Variants in PTPRN2 observed in about 807,000 individuals in gnomAD.
PTPRN2 encodes the protein protein tyrosine phosphatase receptor type N2.
In PTPRN2, 74 loss-of-function variants were observed where a neutral mutation model predicts 118.8. The observed-to-expected ratio is 0.62, with a 90% CI of 0.52 to 0.76. The LOEUF (loss-of-function observed/expected upper bound fraction) is 0.76. Ranked by LOEUF, PTPRN2 falls within the 30% of genes least tolerant of loss-of-function variation. The pLI is 0.00. For missense variants in PTPRN2, 1,481 were observed against 1,394.4 expected (o/e 1.06, Z -0.99); for synonymous variants, 641 against 608.0 (o/e 1.05, Z -0.80).
intron 11 of PTPRN2, among the ~76,000 whole-genome samples, chr7:158,050,415 C>A (rs975638950): frequency 6.6e-6 from 1 of 152,212 alleles, no homozygotes; most frequent in Admixed American, 6.5e-5. Flanking sequence ...GTCACAGCAA[C>A]CTCAATGCCT....
intron 2 of PTPRN2, among the ~76,000 whole-genome samples, chr7:158,334,128 T>A (rs1586325970): frequency 3.6e-5 from 1 of 27,798 alleles, no homozygotes; most frequent in East Asian, 1.1e-3. Flanking sequence ...ACACCCACAC[T>A]CTCACCATAA....
chr7:158,164,453 A>C (rs1316931314), intron 6 of PTPRN2, among the ~76,000 whole-genome samples: 2 of 110,082 alleles, frequency 1.8e-5, no homozygotes, highest in Non-Finnish European at 3.8e-5. Flanking sequence ...TAGGAAGGAC[A>C]CGCAGAGCAG....
chr7:157,771,860 G>A (rs1449020752), intron 12 of PTPRN2, among the ~76,000 whole-genome samples: 6 of 142,578 alleles, frequency 4.2e-5, no homozygotes, highest in African/African-American at 1.3e-4. Flanking sequence ...AGACACACAC[G>A]GAGACACAGG....
At chr7:157,558,059 T>TCGGCCTCCCAAA (rs2150485353) in intron 21 of PTPRN2, among the ~76,000 whole-genome samples, 1 of 73,282 alleles carries the variant, frequency 1.4e-5, no homozygotes, top group South Asian at 3.2e-4. Context: ...TCTGCACCCC[T>TCGGCCTCCCAAA]GTGCAGGCGA....
At chr7:157,917,369 T>C (rs950730784) in intron 11 of PTPRN2, among the ~76,000 whole-genome samples, 5 of 152,238 alleles carry the variant, frequency 3.3e-5, no homozygotes, top group Non-Finnish European at 7.3e-5. Context: ...TTTGTCAAAC[T>C]CCACTCCTCA....
chr7:158,344,895 G>A (rs1223975953), intron 2 of PTPRN2, among the ~76,000 whole-genome samples: 1 of 152,162 alleles, frequency 6.6e-6, no homozygotes, highest in Non-Finnish European at 1.5e-5. Context: ...GTTTGCACAT[G>A]TCCTGTCAGC....
intron 11 of PTPRN2, among the ~76,000 whole-genome samples, chr7:158,054,368 G>C (rs1266692445): frequency 6.6e-6 from 1 of 152,232 alleles, no homozygotes; most frequent in African/African-American, 2.4e-5. Context: ...CCTCAGGAAA[G>C]AAAGGCCACA....
chr7:157,660,955 C>T (rs1585195405), intron 13 of PTPRN2, among the ~76,000 whole-genome samples: 1 of 152,202 alleles, frequency 6.6e-6, no homozygotes, highest in South Asian at 2.1e-4. Context: ...GGCTTCACCA[C>T]GTTGGCCAGG....
intron 6 of PTPRN2, among the ~76,000 whole-genome samples, chr7:158,144,021 G>A (rs183382027): frequency 7.3e-4 from 111 of 152,262 alleles, no homozygotes; most frequent in Non-Finnish European, 1.4e-3. Flanking sequence ...AGAAGGTGAC[G>A]TGGTCCGTGC....
At chr7:157,855,267 C>A (rs968189813) in intron 12 of PTPRN2, among the ~76,000 whole-genome samples, 2 of 152,266 alleles carry the variant, frequency 1.3e-5, no homozygotes, top group South Asian at 4.1e-4. Flanking sequence ...TCGTGCTCTG[C>A]GGACGCCCAG....
At chr7:157,870,084 G>T (rs145500572) in intron 12 of PTPRN2, among the ~76,000 whole-genome samples, 87 of 152,242 alleles carry the variant, frequency 5.7e-4, no homozygotes, top group Middle Eastern at 3.4e-3. Context: ...TCTTGATTCC[G>T]CTGTTAAAAA....
chr7:158,459,977 T>C (rs959507120), intron 2 of PTPRN2, among the ~76,000 whole-genome samples: 1 of 55,204 alleles, frequency 1.8e-5, no homozygotes, highest in African/African-American at 7.8e-5. Context: ...AGGAGGGTCA[T>C]CCAGCTGCAG....
intron 6 of PTPRN2, among the ~76,000 whole-genome samples, chr7:158,145,245 C>A (rs755767975): frequency 1.7e-4 from 23 of 135,536 alleles, no homozygotes; most frequent in Admixed American, 5.1e-4. Flanking sequence ...CAGAATACCA[C>A]GGCTTGGCAA....
chr7:158,059,366 C>G (rs999993207), intron 11 of PTPRN2, among the ~76,000 whole-genome samples: 1 of 128,088 alleles, frequency 7.8e-6, no homozygotes, highest in Non-Finnish European at 1.6e-5. Context: ...CACGGTGACG[C>G]ATCACTGCAG....
intron 2 of PTPRN2, among the ~76,000 whole-genome samples, chr7:158,372,070 G>T (rs111694287): frequency 0.014 from 2,174 of 152,320 alleles, 58 homozygotes; most frequent in African/African-American, 0.049. Context: ...ACCTTCCGGG[G>T]ATGAGCACCT....
intron 22 of PTPRN2, among the ~76,000 whole-genome samples, chr7:157,547,949 G>T (rs1391677970): frequency 3.3e-5 from 5 of 152,230 alleles, no homozygotes; most frequent in African/African-American, 1.2e-4. Context: ...TCCCTGGGGG[G>T]GCGCGTAGGG....
At chr7:158,226,326 G>T (rs73746433) in intron 3 of PTPRN2, among the ~76,000 whole-genome samples, 5,101 of 152,282 alleles carry the variant, frequency 0.033, 211 homozygotes, top group East Asian at 0.17. Flanking sequence ...CAGGATTAAA[G>T]GAGAACAAGG....
At chr7:158,130,439 T>C in intron 9 of PTPRN2, among the ~76,000 whole-genome samples, 1 of 123,768 alleles carries the variant, frequency 8.1e-6, no homozygotes, top group Non-Finnish European at 1.7e-5. Context: ...CACACGTACA[T>C]ACAGATACAC....
intron 12 of PTPRN2, among the ~76,000 whole-genome samples, chr7:157,723,173 G>A (rs936065051): frequency 2.0e-5 from 3 of 152,322 alleles, no homozygotes; most frequent in South Asian, 4.1e-4. Flanking sequence ...TGAGGATAGC[G>A]GAGCTGCTCT....
Sources: allele counts gnomAD v4.1 joint callset (sites outside exome capture counted in the v4.1 genomes callset), GRCh38; gene constraint gnomAD v4.1.1; transcripts MANE v1.5; gene names NCBI Gene and HGNC (gene_info 2026-07-23, HGNC 2026-07-21).